The following ELOVL6 variants were observed in gnomAD, a reference collection of about 807,000 sequenced individuals.
ELOVL6 encodes very long chain fatty acid elongase 6.
Under a neutral mutation model 31.7 loss-of-function variants are expected in ELOVL6, and 8 were observed. That is an observed-to-expected ratio of 0.25 (90% CI 0.15 to 0.45). ELOVL6 has a LOEUF of 0.45. ELOVL6 is among the 20% of genes least tolerant of loss of function. ELOVL6 has a pLI of 1.00. For missense variants in ELOVL6, 126 were observed against 326.4 expected (o/e 0.39, Z 4.73); for synonymous variants, 101 against 117.7 (o/e 0.86, Z 0.92).
At chr4:110,084,543 C>T (rs1278801226) in intron 2 of ELOVL6, among the ~76,000 whole-genome samples, 3 of 67,646 alleles carry the variant, frequency 4.4e-5, no homozygotes, top group East Asian at 8.8e-4. Flanking sequence ...CACACACACA[C>T]ACACACACAC....
intron 2 of ELOVL6, among the ~76,000 whole-genome samples, chr4:110,079,015 G>A (rs1486695087): frequency 6.6e-6 from 1 of 152,034 alleles, no homozygotes; most frequent in Non-Finnish European, 1.5e-5. Context: ...AATGGTAAAG[G>A]GATCAATTCA....
intron 1 of ELOVL6, among the ~76,000 whole-genome samples, chr4:110,143,319 G>A (rs1477020461): frequency 2.6e-5 from 4 of 151,260 alleles, no homozygotes; most frequent in South Asian, 2.1e-4. Flanking sequence ...AAAAAAAATC[G>A]TTTGAGATAT....
chr4:110,186,837 A>T (rs1176820535), intron 1 of ELOVL6, among the ~76,000 whole-genome samples: 1 of 141,454 alleles, frequency 7.1e-6, no homozygotes, highest in Non-Finnish European at 1.5e-5. Context: ...ATATATATAT[A>T]TATATATTTA....
intron 3 of ELOVL6, among the ~76,000 whole-genome samples, chr4:110,055,279 T>C (rs1381313480): frequency 6.6e-6 from 1 of 152,088 alleles, no homozygotes; most frequent in East Asian, 1.9e-4. Context: ...AGCTATAGAG[T>C]GACCCAGAAA....
At chr4:110,103,362 T>A (rs1323303268) in intron 2 of ELOVL6, among the ~76,000 whole-genome samples, 3 of 151,876 alleles carry the variant, frequency 2.0e-5, no homozygotes, top group Non-Finnish European at 4.4e-5. Flanking sequence ...CACATCAAAA[T>A]CATATCTCAA....
chr4:110,109,631 T>C (rs6533491), intron 1 of ELOVL6, among the ~76,000 whole-genome samples: 100,325 of 152,038 alleles, frequency 0.66, 35,286 homozygotes, highest in African/African-American at 0.9. Context: ...ATTTCTTGCT[T>C]TACCCATTAA....
chr4:110,115,393 T>C (rs1007148960), intron 1 of ELOVL6, among the ~76,000 whole-genome samples: 1 of 152,172 alleles, frequency 6.6e-6, no homozygotes, highest in African/African-American at 2.4e-5. Context: ...TTTTTACTTA[T>C]GAGATTATCA....
intron 1 of ELOVL6, among the ~76,000 whole-genome samples, chr4:110,136,987 A>T (rs1757830841): frequency 6.6e-6 from 1 of 152,204 alleles, no homozygotes; most frequent in Non-Finnish European, 1.5e-5. Context: ...TGTTGGTTAG[A>T]AGGCCAAGGG....
chr4:110,071,097 T>C (rs886550773), intron 2 of ELOVL6, among the ~76,000 whole-genome samples: 1 of 152,166 alleles, frequency 6.6e-6, no homozygotes, highest in Non-Finnish European at 1.5e-5. Flanking sequence ...ATGAGGGGAC[T>C]GGAAATACTC....
chr4:110,082,757 A>G (rs555957308), intron 2 of ELOVL6, among the ~76,000 whole-genome samples: 1 of 152,216 alleles, frequency 6.6e-6, no homozygotes, highest in South Asian at 2.1e-4. Context: ...AAAAATAAAT[A>G]AAAAATCACC....
At chr4:110,110,892 G>A (rs1005595) in intron 1 of ELOVL6, among the ~76,000 whole-genome samples, 67,956 of 152,020 alleles carry the variant, frequency 0.45, 15,487 homozygotes, top group Admixed American at 0.55. Context: ...TACCAACTAA[G>A]GTGTGATTTC....
intron 1 of ELOVL6, chr4:110,146,324 A>G (rs1399407607): frequency 6.6e-6 from 1 of 152,192 alleles, no homozygotes; most frequent in Non-Finnish European, 1.5e-5. Context: ...TACCATGTAC[A>G]AAAATTACTT....
intron 1 of ELOVL6, among the ~76,000 whole-genome samples, chr4:110,134,953 T>A (rs1483125664): frequency 1.3e-5 from 2 of 151,774 alleles, no homozygotes; most frequent in East Asian, 1.9e-4. Context: ...AGGCCCTGTC[T>A]CCAGAAAAAA....
At chr4:110,190,712 C>T (rs1258245132) in intron 1 of ELOVL6, among the ~76,000 whole-genome samples, 1 of 152,032 alleles carries the variant, frequency 6.6e-6, no homozygotes, top group Non-Finnish European at 1.5e-5. Flanking sequence ...ACCATGTTGG[C>T]CAGGCTGGTC....
At chr4:110,069,663 T>C (rs1472058613) in intron 2 of ELOVL6, among the ~76,000 whole-genome samples, 1 of 152,228 alleles carries the variant, frequency 6.6e-6, no homozygotes, top group African/African-American at 2.4e-5. Context: ...AGTTACTAAG[T>C]AGCAGAATCT....
chr4:110,106,659 C>T (rs1756899032), intron 1 of ELOVL6, among the ~76,000 whole-genome samples: 1 of 152,132 alleles, frequency 6.6e-6, no homozygotes, highest in Admixed American at 6.6e-5. Context: ...TGGCCAGCTT[C>T]TTAACTATAT....
chr4:110,168,858 G>A (rs1758855581), intron 1 of ELOVL6, among the ~76,000 whole-genome samples: 1 of 152,158 alleles, frequency 6.6e-6, no homozygotes, highest in African/African-American at 2.4e-5. Flanking sequence ...TTCATAAAAT[G>A]GAGGGTTAAT....
chr4:110,191,903 C>T (rs577552862), intron 1 of ELOVL6, among the ~76,000 whole-genome samples: 6 of 152,052 alleles, frequency 3.9e-5, no homozygotes, highest in Non-Finnish European at 8.8e-5. Context: ...CTGAAAGATT[C>T]CTCTGGCCGG....
chr4:110,121,512 C>A (rs1757355847), intron 1 of ELOVL6, among the ~76,000 whole-genome samples: 1 of 152,138 alleles, frequency 6.6e-6, no homozygotes, highest in Non-Finnish European at 1.5e-5. Context: ...TCTTGGCTAA[C>A]ACGGTGAAAC....
Sources: gnomAD v4.1 joint callset for allele counts (sites outside exome capture counted in the v4.1 genomes callset) on GRCh38, gnomAD v4.1.1 for gene constraint, MANE v1.5 for transcripts, NCBI Gene and HGNC (gene_info 2026-07-23, HGNC 2026-07-21) for gene names.